The following ZNF816 variants were observed in gnomAD, a reference collection of about 807,000 sequenced individuals.
ZNF816 encodes the protein zinc finger protein 816A.
A neutral mutation model predicts 8.3 loss-of-function variants in ZNF816; 11 were observed. The ratio of observed to expected loss-of-function variants is 1.32; its 90% confidence interval spans 0.83 to 2.19. ZNF816 has a LOEUF of 2.19. ZNF816 is among the 30% of genes most tolerant of loss of function. The pLI is 0.00. For missense variants in ZNF816, 710 were observed against 779.3 expected (o/e 0.91, Z 1.06); for synonymous variants, 255 against 254.5 (o/e 1.00, Z -0.02).
chr19:52,950,196 G>A lies in ZNF816; in HGVS notation c.1579C>T (p.His527Tyr), dbSNP rs1213256717. 1 of 1,613,804 alleles carries A rather than the reference G, an allele frequency of 6.2e-7. No homozygotes were observed. Among genetic ancestry groups the A allele is most frequent in the East Asian group, 2.2e-5 (1 of 44,860 alleles). Residue 527 changes from histidine (H) to tyrosine (Y), a missense_variant, in exon 4 of 4, where the codon CAT becomes TAT. Coordinates refer to ENST00000444460, the MANE Select transcript of ZNF816 (RefSeq NM_001202457.3). ...VFSRRSHLER[H>Y]RRIHTGEKPY... ...TTTTCCCCAGTATGAATTCTCCTAT[G>A]TCTTTCAAGGTGTGATCTGCGACTG...
chr19:52,961,101 G>C (rs1313955609), intron 1 of ZNF816, among the ~76,000 whole-genome samples: 2 of 152,168 alleles, frequency 1.3e-5, no homozygotes, highest in Admixed American at 1.3e-4. Context: ...TGAATGTACA[G>C]GCACGTTAAA....
intron 3 of ZNF816, chr19:52,952,419 C>T (rs1337499221): frequency 7.0e-6 from 3 of 426,836 alleles, no homozygotes; most frequent in Non-Finnish European, 8.2e-6. Context: ...GCTGGAAACA[C>T]TTGTCAATCA....
At chr19:52,955,533 G>C (rs971437264) in intron 2 of ZNF816, among the ~76,000 whole-genome samples, 1 of 152,206 alleles carries the variant, frequency 6.6e-6, no homozygotes, top group Non-Finnish European at 1.5e-5. Flanking sequence ...TAAAACAAAA[G>C]TTTGGCGTCA....
intron 2 of ZNF816, among the ~76,000 whole-genome samples, chr19:52,954,918 C>G (rs1169773449): frequency 1.3e-5 from 2 of 151,550 alleles, no homozygotes; most frequent in Non-Finnish European, 2.9e-5. Flanking sequence ...CCACAGAACT[C>G]TCAACAGCGA....
At chr19:52,960,248 T>C in intron 1 of ZNF816, 1 of 276,262 alleles carries the variant, frequency 3.6e-6, no homozygotes, top group South Asian at 3.6e-5. Context: ...AGCAGCCCCC[T>C]TTGAAGATCT....
chr19:52,959,368 T>C (rs1360755118), intron 1 of ZNF816, among the ~76,000 whole-genome samples: 2 of 152,242 alleles, frequency 1.3e-5, no homozygotes, highest in African/African-American at 4.8e-5. Flanking sequence ...CTGTTGAGCA[T>C]AACTGTGTAG....
chr19:52,953,956 G>A (rs1279544086), intron 2 of ZNF816, among the ~76,000 whole-genome samples: 4 of 145,078 alleles, frequency 2.8e-5, no homozygotes, highest in Non-Finnish European at 4.4e-5. Flanking sequence ...CAGGAAAATC[G>A]CCTGAACTCT....
chr19:52,951,496 A>C lies in ZNF816; in HGVS notation c.279T>G (p.His93Gln). ...AAAAATCTCCAATGTGATGACTTTT[A>C]TGTCTTTGCAACGTCCCTGTGTGGA... ...EVIHTGTLQRHKSHHIGDFCF... is the reference protein window; with the variant it reads ...EVIHTGTLQRQKSHHIGDFCF... The change falls in exon 4 of 4, where the codon CAT (histidine) becomes CAG (glutamine). Residue 93 changes from histidine to glutamine, a missense_variant. His to Gln is a conservative substitution (Grantham distance 24). Coordinates refer to ENST00000444460, the MANE Select transcript of ZNF816 (RefSeq NM_001202457.3). 6.2e-7 allele frequency: 1 copy of C among 1,613,662 alleles called. No homozygotes were observed. The highest frequency in any genetic ancestry group is 8.5e-7 in the Non-Finnish European group (1 of 1,179,720).
At chr19:52,952,134 T>C (rs988076250) in intron 3 of ZNF816, among the ~76,000 whole-genome samples, 1 of 152,136 alleles carries the variant, frequency 6.6e-6, no homozygotes, top group Non-Finnish European at 1.5e-5. Context: ...ACTTCGAGGC[T>C]GAGGTGGGCA....
chr19:52,949,865 ATAAG>A lies in ZNF816; in HGVS notation c.1906_1909del (p.Leu636PhefsTer57). The stretch of plus-strand genomic sequence containing the variant: ...ACACCCATGGATTGCTTGATGGTGA[ATAAG>A]TGTTGACTGTCCAGTAAAGGCTTTG... On this transcript the variant is annotated frameshift_variant, in exon 4 of 4. Coordinates refer to ENST00000444460, the MANE Select transcript of ZNF816 (RefSeq NM_001202457.3). LOFTEE classifies it low-confidence loss of function (END_TRUNC). 3 of 1,613,752 alleles carry A rather than the reference ATAAG, an allele frequency of 1.9e-6. No individual in the cohort carries two copies. The Middle Eastern group carries it at 5.0e-4, about 266-fold the overall frequency.
Position 52,951,586 on chromosome 19 carries a change from T to G in ZNF816, c.191-2A>C, listed in dbSNP as rs199623004. On this transcript the variant is annotated splice_acceptor_variant, in intron 3 of 3. Transcript: ENST00000444460. LOFTEE classifies it high-confidence loss of function. ...CCATCATGGATTTTAAAGAGCTATC[T>G]AAAAAATATAAAGACCAATAGGTTT... The G allele has an allele frequency of 6.5e-6, 10 of 1,529,658 alleles. No homozygotes were observed. The highest frequency in any genetic ancestry group is 8.7e-6 in the Non-Finnish European group (10 of 1,143,078). 94.8% of individuals were successfully genotyped at this position (1,529,658 alleles called of 1,614,324 possible). A position where few individuals can be genotyped will look rare whatever the true frequency, so the allele number is the denominator to read the frequency against.
intron 1 of ZNF816, among the ~76,000 whole-genome samples, chr19:52,961,618 T>G (rs1351558938): frequency 1.1e-4 from 16 of 152,200 alleles, no homozygotes. Context: ...TGACGGTCAA[T>G]AGGACAAGGG....
At position 52,953,543 on chromosome 19, in the gene ZNF816, TACA is replaced by T. The variant is rs1211853269; in HGVS notation, c.64-669_64-667del. Among the ~76,000 whole-genome samples the T allele has an allele frequency of 1.1e-3, 49 of 45,290 alleles. 1 individual carries two copies. Among genetic ancestry groups the T allele is most frequent in the African/African-American group, 9.0e-3 (19 of 2,110 alleles). 29.7% of individuals were successfully genotyped at this position (45,290 alleles called of 152,430 possible). On this transcript the variant is annotated intron_variant, in intron 2 of 3. Coordinates refer to ENST00000444460, the MANE Select transcript of ZNF816 (RefSeq NM_001202457.3). ...TATATTTATAATATATAATATATAA[TACA>T]ATATTATATATAATATGTATTTATA...
At position 52,951,222 on chromosome 19, in the gene ZNF816, C is replaced by CACG; in HGVS notation, c.552_553insCGT (p.Ile184_Gly185insArg). The CACG allele has an allele frequency of 6.2e-7, 1 of 1,613,690 alleles. No homozygotes were observed. The highest frequency in any genetic ancestry group is 8.5e-7 in the Non-Finnish European group (1 of 1,179,942). ...TGGGATTCTGAAGCTGAGGAAGCAC[C>CACG]GATAGACTTGTCCAATTGGTTACTA... On this transcript the variant is annotated inframe_insertion, in exon 4 of 4. Transcript: ENST00000444460.
intron 1 of ZNF816, among the ~76,000 whole-genome samples, chr19:52,961,817 G>C (rs554466595): frequency 1.3e-5 from 2 of 152,158 alleles, no homozygotes; most frequent in African/African-American, 4.8e-5. Context: ...TTATGTACGC[G>C]GAGGAACTAC....
At chr19:52,956,262 A>T (rs1670659475) in intron 1 of ZNF816, 158 bp from the exon 2 acceptor site, 1 of 786,578 alleles carries the variant, frequency 1.3e-6, no homozygotes, top group Non-Finnish European at 2.0e-6. Context: ...TTCCACAGGA[A>T]GACCTACAAA....
At chr19:52,951,644 T>C (rs1244034914) in intron 3 of ZNF816, 60 bp from the exon 4 acceptor site, 2 of 1,408,576 alleles carry the variant, frequency 1.4e-6, no homozygotes, top group Admixed American at 2.4e-5. Flanking sequence ...TAATAGTTGA[T>C]ATTCAGATGT....
At chr19:52,959,818 C>T (rs1472472999) in intron 1 of ZNF816, among the ~76,000 whole-genome samples, 1 of 152,154 alleles carries the variant, frequency 6.6e-6, no homozygotes, top group Non-Finnish European at 1.5e-5. Context: ...AGCGAGCTTC[C>T]ACCTCGGTTG....
chr19:52,951,046 G>C lies in ZNF816; in HGVS notation c.729C>G (p.Leu243=), dbSNP rs527606404. The C allele has an allele frequency of 6.2e-6, 10 of 1,614,020 alleles. No individual in the cohort carries two copies. The African/African-American group carries it at 1.2e-4, about 19-fold the overall frequency. The change falls in exon 4 of 4, where the codon CTC becomes CTG. Residue 243 remains leucine, a synonymous_variant. Coordinates refer to ENST00000444460, the MANE Select transcript of ZNF816 (RefSeq NM_001202457.3). ...AATGGGTTATGTGGTGTCTCCTTAA[G>C]AGTGAGCTATAATTAAAGGCTTTGC... ...ECGKAFNYSS[L]LRRHHITHSR...
Sources: allele counts gnomAD v4.1 joint callset (sites outside exome capture counted in the v4.1 genomes callset), GRCh38; gene constraint gnomAD v4.1.1; transcripts MANE v1.5; gene names NCBI Gene and HGNC (gene_info 2026-07-23, HGNC 2026-07-21).